The following FAM117B variants were observed in gnomAD, a reference collection of about 807,000 sequenced individuals.
The protein encoded by FAM117B is protein FAM117B.
A neutral mutation model predicts 52.8 loss-of-function variants in FAM117B; 22 were observed. That is an observed-to-expected ratio of 0.42 (90% CI 0.30 to 0.59). FAM117B has a LOEUF of 0.59. Ranked by LOEUF, FAM117B falls within the 20% of genes least tolerant of loss-of-function variation. The pLI is 0.22. For missense variants in FAM117B, 678 were observed against 802.6 expected (o/e 0.84, Z 1.88); for synonymous variants, 309 against 324.1 (o/e 0.95, Z 0.50).
intron 1 of FAM117B, among the ~76,000 whole-genome samples, chr2:202,676,678 A>G (rs751913492): frequency 2.0e-5 from 3 of 152,018 alleles, no homozygotes; most frequent in Non-Finnish European, 4.4e-5. Flanking sequence ...GCGCCTGGTC[A>G]GATGTTCATT....
chr2:202,640,340 ATATG>A (rs1184050756), intron 1 of FAM117B, among the ~76,000 whole-genome samples: 8 of 105,732 alleles, frequency 7.6e-5, no homozygotes, highest in African/African-American at 3.5e-4. Context: ...ATATATATAT[ATATG>A]GCAAGTCGTG....
chr2:202,744,632 G>C (rs1339960593), intron 4 of FAM117B, among the ~76,000 whole-genome samples: 1 of 152,006 alleles, frequency 6.6e-6, no homozygotes, highest in Non-Finnish European at 1.5e-5. Context: ...AAAGAAAAAA[G>C]ACTGCTAGCC....
At chr2:202,655,761 A>AGAGAGAGTGT (rs1690046684) in intron 1 of FAM117B, among the ~76,000 whole-genome samples, 5 of 100,368 alleles carry the variant, frequency 5.0e-5, no homozygotes, top group African/African-American at 6.9e-5. Flanking sequence ...AGAGAGAGAG[A>AGAGAGAGTGT]GTGTGTGTGT....
chr2:202,712,419 C>CTTTTT (rs1186703318), intron 2 of FAM117B, among the ~76,000 whole-genome samples: 452 of 89,370 alleles, frequency 5.1e-3, no homozygotes, highest in African/African-American at 0.013. Context: ...TATCAGCTCT[C>CTTTTT]TTTTTTTTTT....
chr2:202,675,012 A>C (rs943346539), intron 1 of FAM117B, among the ~76,000 whole-genome samples: 2 of 152,102 alleles, frequency 1.3e-5, no homozygotes, highest in Non-Finnish European at 2.9e-5. Flanking sequence ...AGGCAGGAGG[A>C]TCACTTGAGA....
At chr2:202,655,761 A>AGAGAGAGG (rs1690046684) in intron 1 of FAM117B, among the ~76,000 whole-genome samples, 1 of 100,374 alleles carries the variant, frequency 1.0e-5, no homozygotes, top group Admixed American at 1.1e-4. Flanking sequence ...AGAGAGAGAG[A>AGAGAGAGG]GTGTGTGTGT....
rs553765710 is a variant in FAM117B, at chr2:202,729,744, G to A, written c.960+3381G>A. Among the ~76,000 whole-genome samples, 4 of 152,152 alleles carry A rather than the reference G, an allele frequency of 2.6e-5. No individual in the cohort carries two copies. The South Asian group carries it at 8.3e-4, about 32-fold the overall frequency. The stretch of plus-strand genomic sequence containing the variant: ...GATCCTTGAAAGATAAGTATAAGGT[G>A]GAAAAAGTCATGTCCCCAGATAGGA... On this transcript the variant is annotated intron_variant, in intron 4 of 7. Coordinates refer to ENST00000392238, the MANE Select transcript of FAM117B (RefSeq NM_173511.4).
intron 1 of FAM117B, among the ~76,000 whole-genome samples, chr2:202,661,028 T>G (rs1002834697): frequency 1.3e-5 from 2 of 152,230 alleles, no homozygotes; most frequent in Non-Finnish European, 2.9e-5. Context: ...CTGGACTTTT[T>G]CCTGCCCACT....
At chr2:202,688,417 A>G (rs1419352004) in intron 1 of FAM117B, among the ~76,000 whole-genome samples, 1 of 152,172 alleles carries the variant, frequency 6.6e-6, no homozygotes, top group Non-Finnish European at 1.5e-5. Context: ...ATGAAAGACA[A>G]ATTTTACAAG....
intron 1 of FAM117B, among the ~76,000 whole-genome samples, chr2:202,669,933 G>T (rs1690266033): frequency 6.6e-6 from 1 of 152,162 alleles, no homozygotes. Flanking sequence ...ATAGATAGAT[G>T]TGGCCACAAA....
chr2:202,705,257 G>A (rs1690855085), intron 2 of FAM117B, among the ~76,000 whole-genome samples: 1 of 151,936 alleles, frequency 6.6e-6, no homozygotes, highest in South Asian at 2.1e-4. Flanking sequence ...AGTGAGTCAA[G>A]ATAGTACCAT....
chr2:202,728,753 A>G (rs1574572106), intron 4 of FAM117B, among the ~76,000 whole-genome samples: 1 of 152,250 alleles, frequency 6.6e-6, no homozygotes, highest in Non-Finnish European at 1.5e-5. Flanking sequence ...CAACAATTTT[A>G]AAGTGGTTAT....
intron 1 of FAM117B, among the ~76,000 whole-genome samples, chr2:202,676,148 A>G (rs1052766162): frequency 4.6e-5 from 7 of 152,134 alleles, no homozygotes; most frequent in African/African-American, 1.7e-4. Context: ...AGAGAGGCCC[A>G]TGTAGCAAGG....
chr2:202,656,370 T>C (rs905403930), intron 1 of FAM117B, among the ~76,000 whole-genome samples: 5 of 152,160 alleles, frequency 3.3e-5, no homozygotes, highest in African/African-American at 1.2e-4. Flanking sequence ...CTCTAAGCAG[T>C]TGTTTAGCTG....
chr2:202,672,026 C>T (rs1354625368), intron 1 of FAM117B, among the ~76,000 whole-genome samples: 1 of 152,112 alleles, frequency 6.6e-6, no homozygotes, highest in African/African-American at 2.4e-5. Flanking sequence ...CATTCATAAC[C>T]TGTGGCCAGA....
chr2:202,722,049 C>T (rs894192808), intron 2 of FAM117B, among the ~76,000 whole-genome samples: 8 of 136,376 alleles, frequency 5.9e-5, no homozygotes, highest in African/African-American at 8.3e-5. Flanking sequence ...CTCTCACTGT[C>T]GCCCGGGCTA....
At chr2:202,644,495 A>C (rs1689831891) in intron 1 of FAM117B, among the ~76,000 whole-genome samples, 1 of 152,174 alleles carries the variant, frequency 6.6e-6, no homozygotes, top group Non-Finnish European at 1.5e-5. Flanking sequence ...ATTGATCTCT[A>C]CATCTGTGGC....
chr2:202,660,102 C>G (rs896797086), intron 1 of FAM117B, among the ~76,000 whole-genome samples: 1 of 151,806 alleles, frequency 6.6e-6, no homozygotes, highest in Non-Finnish European at 1.5e-5. Context: ...TTTATAGTTT[C>G]AATTTCTGTA....
Position 202,765,894 on chromosome 2 carries a change from C to T in FAM117B, c.*130C>T. ...TTTCCAGTGACATGTGACGGCGAGG[C>T]TTCTGGAAGAAAGGATCCCCCGTGA... On this transcript the variant is annotated 3_prime_UTR_variant, in exon 8 of 8. Transcript: ENST00000392238. 1.0e-6 allele frequency: 1 copy of T among 990,466 alleles called. No individual in the cohort carries two copies. The highest frequency in any genetic ancestry group is 1.5e-6 in the Non-Finnish European group (1 of 685,298). The allele number at this position is 990,466 out of a possible 1,614,324, so 61.4% of individuals were successfully genotyped here. A position where few individuals can be genotyped will look rare whatever the true frequency, so the allele number is the denominator to read the frequency against.
Sources: gnomAD v4.1 joint callset for allele counts (sites outside exome capture counted in the v4.1 genomes callset) on GRCh38, gnomAD v4.1.1 for gene constraint, MANE v1.5 for transcripts, NCBI Gene and HGNC (gene_info 2026-07-23, HGNC 2026-07-21) for gene names.